Variants in FANK1 observed in about 807,000 individuals in gnomAD.
FANK1 encodes fibronectin type 3 and ankyrin repeat domains protein 1.
In FANK1, 44 loss-of-function variants were observed where a neutral mutation model predicts 45.3. The observed-to-expected ratio is 0.97, with a 90% CI of 0.76 to 1.25. FANK1 has a LOEUF of 1.25. Ranked by LOEUF, FANK1 falls within the 50% of genes most tolerant of loss-of-function variation. The probability of loss-of-function intolerance (pLI) is 0.00; values close to 1 mark genes in which losing one functional copy is unlikely to be tolerated. For missense variants in FANK1, 391 were observed against 424.4 expected, an observed-to-expected ratio of 0.92 and a Z score of 0.69; for synonymous variants, 149 against 152.5, an observed-to-expected ratio of 0.98 and a Z score of 0.17.
rs141007393 is a variant in FANK1 at position 125,995,446 on chromosome 10, C to G, written c.346C>G (p.Arg116Gly). The G allele has an allele frequency of 6.2e-7, 1 of 1,614,108 alleles. No homozygotes were observed. Among genetic ancestry groups the G allele is most frequent in the Non-Finnish European group, 8.5e-7 (1 of 1,180,022 alleles). The change falls in exon 4 of 11, where the codon CGG (arginine) becomes GGG (glycine). Residue 116 changes from arginine to glycine, a missense_variant. Transcript: ENST00000368693. ...REPISSEHLHRAVSVNDEDLL... is the reference protein window; with the variant it reads ...REPISSEHLHGAVSVNDEDLL... ...GCCCATAAGTAGTGAGCACTTGCAC[C>G]GGGCTGTCAGTGTGAATGATGAAGA...
chr10:125,941,163 C>A (rs372938428), intron 1 of FANK1, among the ~76,000 whole-genome samples: 13 of 152,274 alleles, frequency 8.5e-5, no homozygotes, highest in South Asian at 8.3e-4. Context: ...AAGACACAAT[C>A]CTGCAGAAGT....
Position 126,008,523 on chromosome 10 carries a change from G to A in FANK1, c.822G>A (p.Lys274=), listed in dbSNP as rs1953411032. ...ATGCTGGGGCCAATGTGAATGTGAA[G>A]GACAGAAATGGAAAGACGCCCCTTA... ...LIDAGANVNV[K]DRNGKTPLMV... is the part of the protein sequence containing the mutation. The change falls in exon 8 of 11, where the codon AAG becomes AAA. Residue 274 remains lysine (K), a synonymous_variant. Transcript: ENST00000368693. 6.2e-7 allele frequency: 1 copy of A among 1,612,168 alleles called. No homozygotes were observed. Among genetic ancestry groups the A allele is most frequent in the African/African-American group, 1.3e-5 (1 of 74,900 alleles).
chr10:125,979,846 AG>A (rs1951086831), intron 1 of FANK1: 4 of 493,458 alleles, frequency 8.1e-6, no homozygotes, highest in South Asian at 4.6e-5. Context: ...AAGCAAACTG[AG>A]TTCCAGCAGG....
chr10:125,906,407 T>C (rs937766961), intron 1 of FANK1, among the ~76,000 whole-genome samples: 7 of 148,984 alleles, frequency 4.7e-5, no homozygotes, highest in African/African-American at 1.7e-4. Context: ...TCCCAGCTAC[T>C]AGCGAGGCTG....
At chr10:125,943,943 T>TA (rs1267685203) in intron 1 of FANK1, among the ~76,000 whole-genome samples, 6 of 152,262 alleles carry the variant, frequency 3.9e-5, no homozygotes, top group African/African-American at 1.4e-4. Flanking sequence ...AAGTACTTAC[T>TA]AATGTGAAAG....
intron 1 of FANK1, among the ~76,000 whole-genome samples, chr10:125,954,186 A>G (rs924304208): frequency 1.4e-5 from 2 of 143,310 alleles, no homozygotes; most frequent in Admixed American, 1.4e-4. Context: ...GGGAAGAGCC[A>G]TTGCGACAGG....
intron 1 of FANK1, among the ~76,000 whole-genome samples, chr10:125,970,079 C>G (rs944175494): frequency 6.6e-6 from 1 of 152,226 alleles, no homozygotes; most frequent in African/African-American, 2.4e-5. Flanking sequence ...CCACATTTCC[C>G]CCTTTTCTAT....
At chr10:125,919,195 A>ATTTTTTATTTTTTTTTTTTTT (rs1946740266) in intron 1 of FANK1, among the ~76,000 whole-genome samples, 1 of 51,862 alleles carries the variant, frequency 1.9e-5, no homozygotes, top group Non-Finnish European at 3.4e-5. Flanking sequence ...GGAGGTAAGA[A>ATTTTTTATTTTTTTTTTTTTT]TTTTTTTTTT....
chr10:125,995,326 A>G (rs1952244087), intron 3 of FANK1, 91 bp from the exon 4 acceptor site: 17 of 1,151,938 alleles, frequency 1.5e-5, no homozygotes, highest in Non-Finnish European at 1.7e-5. Context: ...CTTCCTGAAG[A>G]TGATCCCCTG....
At position 125,955,066 on chromosome 10, in the gene FANK1, A is replaced by G. The variant is rs375193579; in HGVS notation, c.14-25095A>G. On this transcript the variant is annotated intron_variant, in intron 1 of 10. Coordinates refer to ENST00000368693, the MANE Select transcript of FANK1 (RefSeq NM_145235.5). Reference sequence around the variant, plus strand: ...TTGTGTTGATTGCTTTGCTCCACCAAGAATATCTGTGAAACACTCATAATG... The same window carrying G: ...TTGTGTTGATTGCTTTGCTCCACCAGGAATATCTGTGAAACACTCATAATG... 3.1e-4 allele frequency among the ~76,000 whole-genome samples: 47 copies of G among 152,196 alleles called. No homozygotes were observed. The South Asian group carries it at 9.4e-3, about 30-fold the overall frequency.
chr10:125,970,584 G>T (rs531750321), intron 1 of FANK1, among the ~76,000 whole-genome samples: 1 of 152,220 alleles, frequency 6.6e-6, no homozygotes, highest in Non-Finnish European at 1.5e-5. Context: ...AGGCCGAGGT[G>T]GGCAGATCAC....
intron 1 of FANK1, among the ~76,000 whole-genome samples, chr10:125,916,710 A>G (rs1474891590): frequency 1.3e-5 from 2 of 152,208 alleles, no homozygotes; most frequent in African/African-American, 4.8e-5. Flanking sequence ...TGCCAAGTGA[A>G]ATAAACCAGT....
intron 1 of FANK1, among the ~76,000 whole-genome samples, chr10:125,946,191 C>T (rs950492283): frequency 3.3e-5 from 5 of 151,810 alleles, no homozygotes; most frequent in Admixed American, 6.6e-5. Flanking sequence ...AACTCTAAAA[C>T]GCAGAGCACC....
rs531451116 is a variant in FANK1 at position 125,942,010 on chromosome 10, G to A, written c.14-38151G>A. On this transcript the variant is annotated intron_variant, in intron 1 of 10. Coordinates refer to ENST00000368693, the MANE Select transcript of FANK1 (RefSeq NM_145235.5). ...GTAATGTTCTGGCCTTCAGATGGGG[G>A]CTGGTTCCCAGCATGTGCCTTTTAC... is the stretch of plus-strand genomic sequence containing the variant. Among the ~76,000 whole-genome samples, 3 of 152,322 alleles carry A rather than the reference G, an allele frequency of 2.0e-5. No individual in the cohort carries two copies. The East Asian group carries it at 5.8e-4, about 29-fold the overall frequency.
At chr10:125,996,659 G>A in intron 5 of FANK1, 35 bp downstream of exon 5, 4 of 1,596,412 alleles carry the variant, frequency 2.5e-6, no homozygotes, top group Non-Finnish European at 3.4e-6. Context: ...CTCTCTTGGG[G>A]ATTTAACTTT....
chr10:125,960,994 A>C (rs1949889402), intron 1 of FANK1, among the ~76,000 whole-genome samples: 1 of 152,218 alleles, frequency 6.6e-6, no homozygotes, highest in Non-Finnish European at 1.5e-5. Context: ...ATATACTACA[A>C]AGCTGTAGTA....
chr10:125,967,348 TA>T (rs1417637740), intron 1 of FANK1, among the ~76,000 whole-genome samples: 1 of 152,150 alleles, frequency 6.6e-6, no homozygotes, highest in African/African-American at 2.4e-5. Context: ...GTCTTACAGG[TA>T]AAAGGTAGGA....
rs1306154827 is a variant in FANK1, at chr10:125,926,974, C to T, written c.13+30319C>T. On this transcript the variant is annotated intron_variant, in intron 1 of 10. Transcript: ENST00000368693. ...GTTAACACCTAAGAAATGGATATGACCAGCAACCCAGAAGCCTCTCTTCTG... is the reference window on the plus strand; with the variant it reads ...GTTAACACCTAAGAAATGGATATGATCAGCAACCCAGAAGCCTCTCTTCTG... Among the ~76,000 whole-genome samples the T allele has an allele frequency of 2.0e-5, 3 of 152,210 alleles. No homozygotes were observed. In the East Asian group the frequency reaches 5.8e-4, roughly 29 times the overall value.
intron 1 of FANK1, among the ~76,000 whole-genome samples, chr10:125,906,491 TGG>T: frequency 8.6e-6 from 1 of 116,820 alleles, no homozygotes; most frequent in East Asian, 2.4e-4. Flanking sequence ...ATTCCAGCCT[TGG>T]GGACAGAGCA....
Sources: allele counts gnomAD v4.1 joint callset (sites outside exome capture counted in the v4.1 genomes callset), GRCh38; gene constraint gnomAD v4.1.1; transcripts MANE v1.5; gene names NCBI Gene and HGNC (gene_info 2026-07-23, HGNC 2026-07-21).